The following LAMA2 variants were observed in gnomAD, a reference collection of about 807,000 sequenced individuals.
LAMA2 encodes the protein laminin subunit alpha 2.
Under a neutral mutation model 364.8 loss-of-function variants are expected in LAMA2, and 269 were observed. That is an observed-to-expected ratio of 0.74 (90% CI 0.67 to 0.82). The LOEUF (loss-of-function observed/expected upper bound fraction) is 0.82. LAMA2 is among the 40% of genes least tolerant of loss of function. LAMA2 has a pLI of 0.00. For synonymous variants in LAMA2, 1,379 were observed against 1,370.6 expected (o/e 1.01, Z -0.14); for missense variants, 3,807 against 3,873.2 (o/e 0.98, Z 0.45).
At chr6:129,146,720 AAG>A (rs1778481291) in intron 5 of LAMA2, among the ~76,000 whole-genome samples, 1 of 152,002 alleles carries the variant, frequency 6.6e-6, no homozygotes. Context: ...GACTGGGAAA[AAG>A]ATATTTCTAA....
At chr6:129,263,122 A>G (rs1759414717) in intron 15 of LAMA2, among the ~76,000 whole-genome samples, 1 of 152,152 alleles carries the variant, frequency 6.6e-6, no homozygotes, top group Non-Finnish European at 1.5e-5. Flanking sequence ...AAATAATATT[A>G]ACCACCTCAT....
intron 1 of LAMA2, among the ~76,000 whole-genome samples, chr6:128,957,451 T>A (rs1781219890): frequency 6.6e-6 from 1 of 152,134 alleles, no homozygotes. Flanking sequence ...TTTTCTTTTT[T>A]CTTTAATTTT....
intron 37 of LAMA2, among the ~76,000 whole-genome samples, chr6:129,399,571 A>G (rs554985166): frequency 1.4e-3 from 218 of 152,338 alleles, no homozygotes; most frequent in African/African-American, 5.0e-3. Context: ...TGTCACTTGG[A>G]TGTAGCTTTT....
intron 3 of LAMA2, among the ~76,000 whole-genome samples, chr6:129,075,027 G>A (rs1021628756): frequency 1.3e-5 from 2 of 152,074 alleles, no homozygotes; most frequent in Admixed American, 6.5e-5. Flanking sequence ...AGGAGTCCTT[G>A]CATTCCAGGG....
chr6:129,226,985 G>C (rs1171649655), intron 12 of LAMA2, among the ~76,000 whole-genome samples: 2 of 152,000 alleles, frequency 1.3e-5, no homozygotes, highest in Non-Finnish European at 2.9e-5. Flanking sequence ...GCATAGATTT[G>C]GTCTTTTCAC....
chr6:128,920,450 C>T (rs370509530), intron 1 of LAMA2, among the ~76,000 whole-genome samples: 11 of 152,064 alleles, frequency 7.2e-5, no homozygotes, highest in Admixed American at 1.3e-4. Context: ...GCCACCGTGC[C>T]GGTCCCTCAT....
intron 12 of LAMA2, among the ~76,000 whole-genome samples, chr6:129,239,031 T>A: frequency 6.6e-6 from 1 of 152,208 alleles, no homozygotes; most frequent in East Asian, 1.9e-4. Flanking sequence ...GCAGTTACAA[T>A]ATTTTGGAGA....
chr6:128,991,270 A>G (rs1783593391), intron 1 of LAMA2, among the ~76,000 whole-genome samples: 1 of 152,170 alleles, frequency 6.6e-6, no homozygotes, highest in Non-Finnish European at 1.5e-5. Flanking sequence ...ACTGGTTTAC[A>G]AATAGCAATT....
intron 1 of LAMA2, among the ~76,000 whole-genome samples, chr6:128,914,870 T>A (rs1778213972): frequency 6.6e-6 from 1 of 152,198 alleles, no homozygotes; most frequent in African/African-American, 2.4e-5. Flanking sequence ...AAATGTGTTC[T>A]TAAATTCAGT....
intron 12 of LAMA2, among the ~76,000 whole-genome samples, chr6:129,219,791 C>T (rs1286157814): frequency 1.8e-5 from 2 of 113,432 alleles, no homozygotes; most frequent in East Asian, 5.1e-4. Context: ...AACACATGGA[C>T]ACAGGAAGGG....
Position 129,313,994 on chromosome 6 carries a change from T to A in LAMA2, c.3412-661T>A, listed in dbSNP as rs6936767. 8.7e-3 allele frequency among the ~76,000 whole-genome samples: 1,333 copies of A among 152,374 alleles called. 19 individuals carry two copies. Among genetic ancestry groups the A allele is most frequent in the African/African-American group, 0.031 (1,280 of 41,588 alleles). ...AACCTGCTGCCTATTTCTTACAGCT[T>A]ACAATAGCACCACTGTTTAAGACTC... On this transcript the variant is annotated intron_variant, in intron 23 of 64. Coordinates refer to ENST00000421865, the MANE Select transcript of LAMA2 (RefSeq NM_000426.4).
intron 10 of LAMA2, among the ~76,000 whole-genome samples, chr6:129,180,101 CTT>C (rs925760928): frequency 7.2e-5 from 11 of 151,740 alleles, no homozygotes; most frequent in African/African-American, 2.4e-4. Flanking sequence ...TGAAAAGACA[CTT>C]AATGTAACAG....
intron 12 of LAMA2, among the ~76,000 whole-genome samples, chr6:129,209,336 ATG>A (rs939175155): frequency 1.3e-5 from 2 of 152,244 alleles, no homozygotes; most frequent in African/African-American, 4.8e-5. Context: ...GAGCAATTTA[ATG>A]TGTCTCACAA....
At chr6:129,397,594 G>A (rs183494146) in intron 37 of LAMA2, among the ~76,000 whole-genome samples, 2 of 151,696 alleles carry the variant, frequency 1.3e-5, no homozygotes, top group South Asian at 2.1e-4. Context: ...ATCTTTTCTC[G>A]GTTCAAAGCT....
chr6:129,055,711 A>G (rs908318226), intron 2 of LAMA2, among the ~76,000 whole-genome samples: 3 of 152,188 alleles, frequency 2.0e-5, no homozygotes, highest in Admixed American at 1.3e-4. Context: ...TTATCCTGCA[A>G]AGAAAACGAA....
chr6:129,045,459 T>C (rs1372129341), intron 1 of LAMA2, among the ~76,000 whole-genome samples: 3 of 152,220 alleles, frequency 2.0e-5, no homozygotes, highest in Non-Finnish European at 4.4e-5. Flanking sequence ...CTTCAAATCA[T>C]AGTTATCAAT....
intron 8 of LAMA2, among the ~76,000 whole-genome samples, chr6:129,156,963 G>A (rs532700708): frequency 1.3e-5 from 2 of 152,060 alleles, no homozygotes; most frequent in African/African-American, 4.8e-5. Context: ...AATTCAAATG[G>A]CAACAGAGGA....
At chr6:129,321,179 T>C (rs1243356940) in intron 28 of LAMA2, among the ~76,000 whole-genome samples, 3 of 152,178 alleles carry the variant, frequency 2.0e-5, no homozygotes, top group African/African-American at 4.8e-5. Context: ...ATTTTAAAAC[T>C]GCTTTTCAAT....
intron 1 of LAMA2, among the ~76,000 whole-genome samples, chr6:128,965,361 A>T (rs1781774003): frequency 6.6e-6 from 1 of 152,030 alleles, no homozygotes; most frequent in South Asian, 2.1e-4. Flanking sequence ...TGCAAGTTTG[A>T]TAAAACTCTT....
Sources: gnomAD v4.1 joint callset for allele counts (sites outside exome capture counted in the v4.1 genomes callset) on GRCh38, gnomAD v4.1.1 for gene constraint, MANE v1.5 for transcripts, NCBI Gene and HGNC (gene_info 2026-07-23, HGNC 2026-07-21) for gene names.